The following RPS6 variants were observed in gnomAD, a reference collection of about 807,000 sequenced individuals.
The protein encoded by RPS6 is ribosomal protein S6, also known as small ribosomal subunit protein eS6.
Under a neutral mutation model 27.1 loss-of-function variants are expected in RPS6, and 1 was observed. That is an observed-to-expected ratio of 0.04 (90% CI 0.01 to 0.18). The LOEUF (loss-of-function observed/expected upper bound fraction) is 0.18. Among genes scored for constraint, RPS6 ranks in the 10% least tolerant of loss-of-function variants. RPS6 has a pLI of 1.00. For missense variants in RPS6, 259 were observed against 319.1 expected (o/e 0.81, Z 1.44); for synonymous variants, 152 against 106.0 (o/e 1.43, Z -2.66).
intron 5 of RPS6, 33 bp from the exon 6 acceptor site, chr9:19,376,421 C>T: frequency 6.2e-7 from 1 of 1,613,180 alleles, no homozygotes. Context: ...CAGTTAAGGC[C>T]TTTCTGGGTT....
intron 4 of RPS6, among the ~76,000 whole-genome samples, chr9:19,377,617 G>A (rs1299566240): frequency 1.3e-5 from 2 of 152,060 alleles, no homozygotes; most frequent in African/African-American, 4.8e-5. Flanking sequence ...CTGACATGCT[G>A]TTTATTTAAC....
At chr9:19,380,073 G>T in intron 1 of RPS6, 117 bp downstream of exon 1, 1 of 1,610,894 alleles carries the variant, frequency 6.2e-7, no homozygotes, top group Non-Finnish European at 8.5e-7. Flanking sequence ...TCTCCTACTT[G>T]AGACCCTTCT....
At chr9:19,379,924 G>A (rs1319244993) in intron 1 of RPS6, 4 of 1,428,780 alleles carry the variant, frequency 2.8e-6, no homozygotes, top group East Asian at 5.1e-5. Context: ...CAGGCCTGCC[G>A]CAAACTGGGC....
At chr9:19,377,508 AC>A (rs1829608585) in intron 4 of RPS6, among the ~76,000 whole-genome samples, 1 of 152,040 alleles carries the variant, frequency 6.6e-6, no homozygotes, top group African/African-American at 2.4e-5. Context: ...GACTTAACAG[AC>A]GTATACTATC....
intron 1 of RPS6, 31 bp from the exon 2 acceptor site, chr9:19,379,649 G>T: frequency 6.3e-7 from 1 of 1,598,710 alleles, no homozygotes; most frequent in Non-Finnish European, 8.5e-7. Flanking sequence ...AATAGTTTAC[G>T]AAACTATCTA....
chr9:19,379,243 C>T lies in RPS6; in HGVS notation c.138+244G>A, dbSNP rs1829639299. On this transcript the variant is annotated intron_variant, in intron 2 of 5. Transcript: ENST00000380394. ...GGGGATTATGAGGACAGCTATGTGA[C>T]ATATTGCCAAATGCATGATGCAGGG... is the stretch of plus-strand genomic sequence containing the variant. The T allele has an allele frequency of 1.4e-5, 19 of 1,368,776 alleles. No homozygotes were observed. The Admixed American group carries it at 5.4e-4, about 39-fold the overall frequency. 84.8% of individuals were successfully genotyped at this position (1,368,776 alleles called of 1,614,324 possible).
In RPS6 at chr9:19,376,059, T is replaced by C; in HGVS notation, c.*234A>G. 2.4e-6 allele frequency: 1 copy of C among 424,996 alleles called. No homozygotes were observed. The highest frequency in any genetic ancestry group is 3.9e-5 in the East Asian group (1 of 25,786). 26.3% of individuals were successfully genotyped at this position (424,996 alleles called of 1,614,324 possible). On this transcript the variant is annotated 3_prime_UTR_variant, in exon 6 of 6. Transcript: ENST00000380394. ...TTCTGAAGAGGCAGGTGTCTTATGC[T>C]CAGAATCCCTTCCTGTGCCACCCAT...
Position 19,380,208 on chromosome 9 carries a change from G to T in RPS6, c.-13C>A. The T allele has an allele frequency of 1.9e-6, 3 of 1,613,476 alleles. No homozygotes were observed. Among genetic ancestry groups the T allele is most frequent in the Non-Finnish European group, 2.5e-6 (3 of 1,179,390 alleles). On this transcript the variant is annotated 5_prime_UTR_variant, in exon 1 of 6. Coordinates refer to ENST00000380394, the MANE Select transcript of RPS6 (RefSeq NM_001010.3). ...CACCTACCTTCATCTTGAAGCAGCT[G>T]AACGCCTCCGAGGCGCCACGGAAAA...
chr9:19,376,223 GTT>G lies in RPS6; in HGVS notation c.*68_*69del. 7.6e-7 allele frequency: 1 copy of G among 1,314,248 alleles called. No homozygotes were observed. The highest frequency in any genetic ancestry group is 2.0e-5 in the Admixed American group (1 of 50,484). 81.4% of individuals were successfully genotyped at this position (1,314,248 alleles called of 1,614,324 possible). A position where few individuals can be genotyped will look rare whatever the true frequency, so the allele number is the denominator to read the frequency against. On this transcript the variant is annotated 3_prime_UTR_variant, in exon 6 of 6. Transcript: ENST00000380394. ...AACTTTCCCTCTCTTCATTTATGTA[GTT>G]TTCTATCAGCAATGAAAAGTCAACA...
At position 19,376,401 on chromosome 9, in the gene RPS6, A is replaced by G; in HGVS notation, c.655-13T>C. 1.2e-6 allele frequency: 2 copies of G among 1,613,782 alleles called. No individual in the cohort carries two copies. Among genetic ancestry groups the G allele is most frequent in the Non-Finnish European group, 1.7e-6 (2 of 1,179,874 alleles). ...TCTCCTTAGCCTCCTAAACAAAACA[A>G]AACAGCAAACAGTTAAGGCCTTTCT... On this transcript the variant is annotated splice_polypyrimidine_tract_variant and intron_variant, in intron 5 of 5. Coordinates refer to ENST00000380394, the MANE Select transcript of RPS6 (RefSeq NM_001010.3).
chr9:19,376,680 A>G, intron 4 of RPS6, 29 bp from the exon 5 acceptor site: 2 of 1,586,318 alleles, frequency 1.3e-6, no homozygotes, highest in Admixed American at 1.9e-5. Flanking sequence ...CAATCATTTC[A>G]ATATTTGTTT....
chr9:19,378,906 G>C lies in RPS6; in HGVS notation c.151C>G (p.Arg51Gly). The change falls in exon 3 of 6, where the codon CGA becomes GGA. Residue 51 changes from arginine to glycine, a missense_variant. Around this residue, in one of 3 missense-constraint regions of RPS6, gnomAD observed 65 missense variants for 66.6 expected, o/e 0.98. Transcript: ENST00000380394. ...TGTTTGTCGTTCCCACCACTGATTC[G>C]GACCACATAACCCTGCAAGAGCATA... ...LGEEWKGYVV[R>G]ISGGNDKQGF... 1 of 1,613,928 alleles carries C rather than the reference G, an allele frequency of 6.2e-7. No homozygotes were observed. The highest frequency in any genetic ancestry group is 8.5e-7 in the Non-Finnish European group (1 of 1,179,952).
chr9:19,376,844 TATAAAAATATAAGGGAAACCAAGTCCTG>T lies in RPS6; in HGVS notation c.497-221_497-194del, dbSNP rs1465668042. On this transcript the variant is annotated intron_variant, in intron 4 of 5. Coordinates refer to ENST00000380394, the MANE Select transcript of RPS6 (RefSeq NM_001010.3). The stretch of plus-strand genomic sequence containing the variant: ...GAAATCTAGAAGATTGGTTAAATAT[TATAAAAATATAAGGGAAACCAAGTCCTG>T]AAAAATAACCAGGCTAACTTTTACT... 8.2e-4 allele frequency: 400 copies of T among 486,552 alleles called. 5 individuals are homozygous for T. In the South Asian group the frequency reaches 0.014, roughly 17 times the overall value. 30.1% of individuals were successfully genotyped at this position (486,552 alleles called of 1,614,324 possible).
rs960674071 is a variant in RPS6 at position 19,375,803 on chromosome 9, A to G, written c.*490T>C. 2 of 152,654 alleles carry G rather than the reference A, an allele frequency of 1.3e-5. No homozygotes were observed. The highest frequency in any genetic ancestry group is 2.9e-5 in the Non-Finnish European group (2 of 68,388). The allele number at this position is 152,654 out of a possible 1,614,324, so 9.5% of individuals were successfully genotyped here. A position where few individuals can be genotyped will look rare whatever the true frequency, so the allele number is the denominator to read the frequency against. ...TCACTGGAGTTGAAAAGCTTTGTTA[A>G]AACAAATTTGAAATGGCTTAAAAAC... On this transcript the variant is annotated 3_prime_UTR_variant, in exon 6 of 6. Coordinates refer to ENST00000380394, the MANE Select transcript of RPS6 (RefSeq NM_001010.3).
At position 19,376,518 on chromosome 9, in the gene RPS6, A is replaced by G. The variant is rs1412367461; in HGVS notation, c.630T>C (p.Ala210=). ...CCTTCATTCTCTTGGCCAAAAGTTT[A>G]GCATATTCTGCAGCCTCTTCTTTAT... ...KKNKEEAAEY[A]KLLAKRMKEA... The change falls in exon 5 of 6, where the codon GCT becomes GCC. Residue 210 remains alanine, a synonymous_variant. Coordinates refer to ENST00000380394, the MANE Select transcript of RPS6 (RefSeq NM_001010.3). 4 of 1,614,098 alleles carry G rather than the reference A, an allele frequency of 2.5e-6. No homozygotes were observed. In the East Asian group the frequency reaches 6.7e-5, roughly 27 times the overall value.
Position 19,376,569 on chromosome 9 carries a change from A to G in RPS6, c.579T>C (p.Ala193=). The G allele has an allele frequency of 6.2e-7, 1 of 1,614,172 alleles. No homozygotes were observed. Among genetic ancestry groups the G allele is most frequent in the South Asian group, 1.1e-5 (1 of 91,086 alleles). ...TTTTCTTGGTACGCTGCTTCTTCAG[A>G]GCAATACGCCGCCGTTTGTGCTGCA... The part of the protein sequence containing the change: ...RVLQHKRRRI[A]LKKQRTKKNK... The change falls in exon 5 of 6, where the codon GCT becomes GCC. Residue 193 remains alanine, a synonymous_variant. Transcript: ENST00000380394.
In RPS6 at chr9:19,379,835, G is replaced by A; in HGVS notation, c.7-217C>T. On this transcript the variant is annotated intron_variant, in intron 1 of 5. Transcript: ENST00000380394. The stretch of plus-strand genomic sequence containing the variant: ...AGGACGTTTTCCCCTCAAGCCCCGC[G>A]GAATGACTCTGGGGGCGAGGGCACT... 2.8e-6 allele frequency: 4 copies of A among 1,424,670 alleles called. No homozygotes were observed. The South Asian group carries it at 4.7e-5, about 17-fold the overall frequency. The allele number at this position is 1,424,670 out of a possible 1,614,324, so 88.3% of individuals were successfully genotyped here. A position where few individuals can be genotyped will look rare whatever the true frequency, so the allele number is the denominator to read the frequency against.
intron 1 of RPS6, chr9:19,379,923 C>G (rs1370253261): frequency 6.3e-6 from 9 of 1,430,622 alleles, no homozygotes; most frequent in Non-Finnish European, 8.2e-6. Flanking sequence ...ACAGGCCTGC[C>G]GCAAACTGGG....
rs750198792 is a variant in RPS6, at chr9:19,380,216, C to T, written c.-21G>A. On this transcript the variant is annotated 5_prime_UTR_variant, in exon 1 of 6. Coordinates refer to ENST00000380394, the MANE Select transcript of RPS6 (RefSeq NM_001010.3). ...TTCATCTTGAAGCAGCTGAACGCCT[C>T]CGAGGCGCCACGGAAAAGAGGGCCA... The T allele has an allele frequency of 2.5e-6, 4 of 1,614,028 alleles. No homozygotes were observed. The highest frequency in any genetic ancestry group is 1.7e-5 in the Admixed American group (1 of 60,028).
Sources: gnomAD v4.1 joint callset for allele counts (sites outside exome capture counted in the v4.1 genomes callset) on GRCh38, gnomAD v4.1.1 for gene constraint, gnomAD v4.1.1 regional missense constraint, MANE v1.5 for transcripts, NCBI Gene and HGNC (gene_info 2026-07-23, HGNC 2026-07-21) for gene names.